The following TXNRD1 variants were observed in gnomAD, a reference collection of about 807,000 sequenced individuals.
TXNRD1 encodes the protein thioredoxin reductase 1, cytoplasmic.
Under a neutral mutation model 80.3 loss-of-function variants are expected in TXNRD1, and 57 were observed. The observed-to-expected ratio is 0.71, with a 90% CI of 0.57 to 0.89. The LOEUF (loss-of-function observed/expected upper bound fraction) is 0.89, where lower values mean the gene tolerates loss of function less well. Among genes scored for constraint, TXNRD1 ranks in the 40% least tolerant of loss-of-function variants. The probability of loss-of-function intolerance (pLI) is 0.00; values close to 1 mark genes in which losing one functional copy is unlikely to be tolerated. For synonymous variants in TXNRD1, 291 were observed against 285.2 expected (o/e 1.02, Z -0.20); for missense variants, 730 against 803.0 (o/e 0.91, Z 1.10).
chr12:104,267,198 A>G (rs376967720), intron 3 of TXNRD1, among the ~76,000 whole-genome samples: 6 of 137,040 alleles, frequency 4.4e-5, no homozygotes, highest in African/African-American at 8.1e-5. Flanking sequence ...ATAATTAATA[A>G]TAATAGGAAG....
chr12:104,329,337 T>C (rs550429361), intron 13 of TXNRD1, among the ~76,000 whole-genome samples: 15 of 151,846 alleles, frequency 9.9e-5, no homozygotes, highest in African/African-American at 3.4e-4. Context: ...GCTAAAACAT[T>C]GAATGGAGTT....
chr12:104,280,349 C>T (rs1055110538), intron 3 of TXNRD1: 1 of 152,230 alleles, frequency 6.6e-6, no homozygotes, highest in Non-Finnish European at 1.5e-5. Context: ...TCTTCATTGG[C>T]TTCTGAGACA....
chr12:104,267,535 TCTTTC>T (rs1350755217), intron 3 of TXNRD1, among the ~76,000 whole-genome samples: 1 of 151,668 alleles, frequency 6.6e-6, no homozygotes, highest in Non-Finnish European at 1.5e-5. Context: ...TCCTTTCCTT[TCTTTC>T]TTTTTTCTGA....
intron 10 of TXNRD1, among the ~76,000 whole-genome samples, chr12:104,323,698 C>T (rs2035641780): frequency 7.5e-6 from 1 of 132,662 alleles, no homozygotes; most frequent in Non-Finnish European, 1.6e-5. Context: ...CCACCTCCCT[C>T]CCGGACGGGG....
chr12:104,296,748 G>T (rs1459006204), intron 4 of TXNRD1, among the ~76,000 whole-genome samples: 1 of 152,200 alleles, frequency 6.6e-6, no homozygotes, highest in Non-Finnish European at 1.5e-5. Flanking sequence ...TTTTATTGAA[G>T]ATGGGCTATC....
At chr12:104,333,652 T>C (rs140405684) in intron 14 of TXNRD1, among the ~76,000 whole-genome samples, 1 of 152,016 alleles carries the variant, frequency 6.6e-6, no homozygotes, top group South Asian at 2.1e-4. Context: ...AAAAAAAAAA[T>C]CCATTTAGTC....
chr12:104,301,326 T>C (rs2135776832), intron 4 of TXNRD1, among the ~76,000 whole-genome samples: 1 of 152,260 alleles, frequency 6.6e-6, no homozygotes, highest in South Asian at 2.1e-4. Context: ...AGAGTTCTTT[T>C]GTAAGTAGCT....
At chr12:104,297,960 T>C (rs145932324) in intron 4 of TXNRD1, among the ~76,000 whole-genome samples, 269 of 152,300 alleles carry the variant, frequency 1.8e-3, no homozygotes, top group African/African-American at 6.3e-3. Context: ...TTTATATTCT[T>C]GAGGCTTGGC....
Position 104,348,571 on chromosome 12 carries a change from G to A in TXNRD1, c.*150G>A. ...GCCCAAGGCCCCCTTGGATCTCTTG[G>A]ATAGGAGTTGGTGAATAGAAGGCAG... is the stretch of plus-strand genomic sequence containing the variant. On this transcript the variant is annotated 3_prime_UTR_variant, in exon 17 of 17. Transcript: ENST00000525566. 3.0e-6 allele frequency: 2 copies of A among 661,634 alleles called. No homozygotes were observed. The highest frequency in any genetic ancestry group is 1.8e-5 in the South Asian group (1 of 54,174). The allele number at this position is 661,634 out of a possible 1,614,324, so 41.0% of individuals were successfully genotyped here.
intron 4 of TXNRD1, among the ~76,000 whole-genome samples, chr12:104,309,272 A>G (rs192104941): frequency 5.3e-5 from 8 of 152,302 alleles, no homozygotes; most frequent in Non-Finnish European, 1.2e-4. Flanking sequence ...AATTTTACCT[A>G]CAGTGCTTAA....
intron 16 of TXNRD1, among the ~76,000 whole-genome samples, chr12:104,339,715 C>A (rs1230264545): frequency 6.6e-6 from 1 of 152,210 alleles, no homozygotes; most frequent in African/African-American, 2.4e-5. Context: ...ATTGACCAAT[C>A]TAGGCCTCTG....
At chr12:104,293,913 T>C (rs7309250) in intron 4 of TXNRD1, among the ~76,000 whole-genome samples, 75,864 of 151,982 alleles carry the variant, frequency 0.5, 19,264 homozygotes, top group East Asian at 0.62. Flanking sequence ...ACGTGGGTCA[T>C]GTGTCCACTG....
intron 3 of TXNRD1, chr12:104,288,723 G>T: frequency 7.0e-7 from 1 of 1,425,280 alleles, no homozygotes; most frequent in Non-Finnish European, 9.2e-7. Context: ...CAGCCAGTGT[G>T]CGGATTTGCC....
At chr12:104,235,957 G>A (rs2032729212) in intron 1 of TXNRD1, among the ~76,000 whole-genome samples, 1 of 152,136 alleles carries the variant, frequency 6.6e-6, no homozygotes, top group Non-Finnish European at 1.5e-5. Flanking sequence ...TAATCTGGGT[G>A]GTGCCAGCTG....
intron 7 of TXNRD1, among the ~76,000 whole-genome samples, chr12:104,318,705 A>G (rs538029854): frequency 1.4e-4 from 22 of 152,324 alleles, no homozygotes; most frequent in African/African-American, 4.1e-4. Flanking sequence ...TTGTCAGGGG[A>G]TCTGTCTTGT....
chr12:104,235,357 C>G (rs11615168), intron 1 of TXNRD1, among the ~76,000 whole-genome samples: 16,684 of 151,974 alleles, frequency 0.11, 1,032 homozygotes, highest in East Asian at 0.19. Flanking sequence ...AACGGATGTG[C>G]GTTACAGATT....
chr12:104,223,327 T>A (rs563311959), intron 1 of TXNRD1, among the ~76,000 whole-genome samples: 2 of 152,292 alleles, frequency 1.3e-5, no homozygotes, highest in African/African-American at 4.8e-5. Flanking sequence ...ATTAAGTGCT[T>A]TATCACAAAG....
intron 16 of TXNRD1, chr12:104,345,926 C>G: frequency 2.3e-6 from 3 of 1,279,500 alleles, no homozygotes; most frequent in Non-Finnish European, 3.1e-6. Context: ...GGCATGGAGG[C>G]TGCCCCTTCT....
Position 104,311,425 on chromosome 12 carries a change from G to GTGTTGTCTGTTGTC in TXNRD1, c.537+23_537+36dup, listed in dbSNP as rs564735344. On this transcript the variant is annotated intron_variant, in intron 5 of 16. Transcript: ENST00000525566. The stretch of plus-strand genomic sequence containing the variant: ...GGCAGCTGCTAAGGCAAGGCTCCTT[G>GTGTTGTCTGTTGTC]TGTTGTCTGTTGTCTGTTGTCTGGG... 1.9e-6 allele frequency: 3 copies of GTGTTGTCTGTTGTC among 1,612,134 alleles called. No individual in the cohort carries two copies. Among genetic ancestry groups the GTGTTGTCTGTTGTC allele is most frequent in the Non-Finnish European group, 8.5e-7 (1 of 1,179,224 alleles).
Sources: gnomAD v4.1 joint callset for allele counts (sites outside exome capture counted in the v4.1 genomes callset) on GRCh38, gnomAD v4.1.1 for gene constraint, MANE v1.5 for transcripts, NCBI Gene and HGNC (gene_info 2026-07-23, HGNC 2026-07-21) for gene names.